The following NAV3 variants were observed in gnomAD, a reference collection of about 807,000 sequenced individuals.
NAV3 encodes pore membrane and/or filament interacting like protein 1.
In NAV3, 87 loss-of-function variants were observed where a neutral mutation model predicts 244.7. That is an observed-to-expected ratio of 0.36 (90% CI 0.30 to 0.42). The LOEUF (loss-of-function observed/expected upper bound fraction) is 0.42. NAV3 is among the 20% of genes least tolerant of loss of function. The probability of loss-of-function intolerance (pLI) is 1.00; values close to 1 mark genes in which losing one functional copy is unlikely to be tolerated. For missense variants in NAV3, 2,663 were observed against 2,893.3 expected, an observed-to-expected ratio of 0.92 and a Z score of 1.83; for synonymous variants, 1,126 against 1,042.2, an observed-to-expected ratio of 1.08 and a Z score of -1.55.
chr12:78,067,882 T>G (rs1885208491), intron 12 of NAV3, among the ~76,000 whole-genome samples: 1 of 152,086 alleles, frequency 6.6e-6, no homozygotes, highest in African/African-American at 2.4e-5. Context: ...TGTATAATTT[T>G]TATCTTATCT....
chr12:77,579,146 G>T (rs976686569), intron 2 of NAV3, among the ~76,000 whole-genome samples: 1 of 152,164 alleles, frequency 6.6e-6, no homozygotes, highest in African/African-American at 2.4e-5. Flanking sequence ...AAAAGCTTTA[G>T]TACTTTAGGT....
At chr12:77,639,191 A>G (rs1365353712) in intron 2 of NAV3, among the ~76,000 whole-genome samples, 1 of 152,164 alleles carries the variant, frequency 6.6e-6, no homozygotes, top group African/African-American at 2.4e-5. Flanking sequence ...ACAGATTTAA[A>G]AAAATTTTTT....
At chr12:77,593,631 CTTTT>C (rs566083715) in intron 2 of NAV3, among the ~76,000 whole-genome samples, 3 of 118,512 alleles carry the variant, frequency 2.5e-5, no homozygotes, top group African/African-American at 9.2e-5. Context: ...ATCCCAGCTA[CTTTT>C]TTTTTTTTTT....
intron 5 of NAV3, among the ~76,000 whole-genome samples, chr12:77,981,726 T>C (rs17044666): frequency 0.37 from 56,742 of 151,802 alleles, 11,422 homozygotes; most frequent in South Asian, 0.45. Flanking sequence ...AAAAATTGCC[T>C]ACTAAAACTC....
intron 2 of NAV3, among the ~76,000 whole-genome samples, chr12:77,595,050 T>C (rs146076405): frequency 3.3e-5 from 5 of 152,274 alleles, no homozygotes; most frequent in African/African-American, 1.2e-4. Flanking sequence ...CAATCCCTCT[T>C]CTAGGTATAT....
intron 4 of NAV3, among the ~76,000 whole-genome samples, chr12:77,967,384 GATGAAGCCAACTCTTCAAT>G: frequency 6.6e-6 from 1 of 152,228 alleles, no homozygotes; most frequent in Admixed American, 6.5e-5. Flanking sequence ...GCCTCAGATT[GATGAAGCCAACTCTTCAAT>G]ATGACGAAAA....
intron 12 of NAV3, among the ~76,000 whole-genome samples, chr12:78,105,662 A>C (rs909166597): frequency 6.6e-6 from 1 of 152,008 alleles, no homozygotes; most frequent in Non-Finnish European, 1.5e-5. Context: ...ATCACATTTT[A>C]GCAAACTTTT....
At chr12:78,035,710 A>AT (rs995479987) in intron 9 of NAV3, among the ~76,000 whole-genome samples, 1 of 152,062 alleles carries the variant, frequency 6.6e-6, no homozygotes, top group East Asian at 1.9e-4. Context: ...CTTTTGAGTT[A>AT]TTTTTTTCTT....
intron 2 of NAV3, among the ~76,000 whole-genome samples, chr12:77,691,360 T>TATATATATATATAC (rs60932712): frequency 4.7e-4 from 63 of 134,828 alleles, no homozygotes; most frequent in African/African-American, 1.7e-3. Context: ...TATATACATA[T>TATATATATATATAC]CCATTCTTGT....
At chr12:77,840,716 A>G (rs1592749809) in intron 1 of NAV3, among the ~76,000 whole-genome samples, 1 of 152,174 alleles carries the variant, frequency 6.6e-6, no homozygotes, top group African/African-American at 2.4e-5. Flanking sequence ...TGGAAGTTAT[A>G]CCCAAGCTAT....
chr12:77,866,725 G>A (rs554136707), intron 1 of NAV3, among the ~76,000 whole-genome samples: 4 of 152,216 alleles, frequency 2.6e-5, no homozygotes, highest in South Asian at 4.2e-4. Context: ...TATTGTTCTT[G>A]TATAACTTCA....
At chr12:77,657,398 C>T (rs928536299) in intron 2 of NAV3, among the ~76,000 whole-genome samples, 24 of 152,272 alleles carry the variant, frequency 1.6e-4, no homozygotes, top group African/African-American at 5.5e-4. Flanking sequence ...TCTCCCAAGA[C>T]TAAACCAGGA....
intron 1 of NAV3, among the ~76,000 whole-genome samples, chr12:77,928,429 G>A (rs1000168758): frequency 6.6e-6 from 1 of 151,904 alleles, no homozygotes; most frequent in Non-Finnish European, 1.5e-5. Context: ...GAAAGATGAG[G>A]CAGTCATCAT....
chr12:78,196,001 A>G (rs531406163), intron 34 of NAV3, among the ~76,000 whole-genome samples: 8 of 152,160 alleles, frequency 5.3e-5, no homozygotes, highest in African/African-American at 1.7e-4. Flanking sequence ...AGACTTCACT[A>G]TTTTTGTATA....
At chr12:77,862,052 T>C (rs1024076236) in intron 1 of NAV3, among the ~76,000 whole-genome samples, 2 of 151,840 alleles carry the variant, frequency 1.3e-5, no homozygotes, top group Non-Finnish European at 3.0e-5. Flanking sequence ...TCATGTTTTC[T>C]AATTTTTCCA....
intron 1 of NAV3, among the ~76,000 whole-genome samples, chr12:77,904,652 A>T (rs1162805523): frequency 6.6e-6 from 1 of 152,218 alleles, no homozygotes; most frequent in Non-Finnish European, 1.5e-5. Flanking sequence ...ATTTTTTAAA[A>T]AAAAGAAAAA....
chr12:78,183,514 A>G (rs925473699), intron 30 of NAV3, among the ~76,000 whole-genome samples: 10 of 151,982 alleles, frequency 6.6e-5, no homozygotes, highest in Admixed American at 2.0e-4. Context: ...TCATGAAACT[A>G]GTAAGCAGCA....
chr12:78,090,256 T>C (rs1453460886), intron 12 of NAV3, among the ~76,000 whole-genome samples: 1 of 149,154 alleles, frequency 6.7e-6, no homozygotes, highest in African/African-American at 2.4e-5. Flanking sequence ...TCAAATTTTA[T>C]ATATATATAA....
At chr12:77,587,685 A>G (rs775729160) in intron 2 of NAV3, among the ~76,000 whole-genome samples, 1 of 152,230 alleles carries the variant, frequency 6.6e-6, no homozygotes, top group African/African-American at 2.4e-5. Flanking sequence ...TGGTGAAACT[A>G]TTACATTCAT....
Sources: gnomAD v4.1 joint callset for allele counts (sites outside exome capture counted in the v4.1 genomes callset) on GRCh38, gnomAD v4.1.1 for gene constraint, MANE v1.5 for transcripts, NCBI Gene and HGNC (gene_info 2026-07-23, HGNC 2026-07-21) for gene names.